Variants in PDGFD observed in about 807,000 individuals in gnomAD.
PDGFD encodes platelet-derived growth factor D.
In PDGFD, 30 loss-of-function variants were observed where a neutral mutation model predicts 44.7. The observed-to-expected ratio is 0.67, with a 90% CI of 0.50 to 0.91. The LOEUF (loss-of-function observed/expected upper bound fraction) is 0.91, where lower values mean the gene tolerates loss of function less well. Among genes scored for constraint, PDGFD ranks in the 40% least tolerant of loss-of-function variants. PDGFD has a pLI of 0.00. For missense variants in PDGFD, 445 were observed against 457.8 expected, an observed-to-expected ratio of 0.97 and a Z score of 0.25; for synonymous variants, 173 against 168.4, an observed-to-expected ratio of 1.03 and a Z score of -0.21.
At chr11:104,059,565 T>A (rs1343350735) in intron 1 of PDGFD, among the ~76,000 whole-genome samples, 1 of 152,218 alleles carries the variant, frequency 6.6e-6, no homozygotes, top group African/African-American at 2.4e-5. Context: ...CCAACTCTAA[T>A]TAATTTATTG....
chr11:103,941,669 G>C (rs542301515), intron 5 of PDGFD, among the ~76,000 whole-genome samples: 1 of 152,048 alleles, frequency 6.6e-6, no homozygotes, highest in South Asian at 2.1e-4. Context: ...GTTAGAATTT[G>C]AATCCAGGCC....
intron 3 of PDGFD, among the ~76,000 whole-genome samples, chr11:103,962,942 C>T (rs1299160217): frequency 6.6e-6 from 1 of 152,078 alleles, no homozygotes; most frequent in Non-Finnish European, 1.5e-5. Context: ...ATGGAAATCA[C>T]CTGTTACAAA....
chr11:104,162,441 T>C (rs889863589), intron 1 of PDGFD, among the ~76,000 whole-genome samples: 3 of 152,244 alleles, frequency 2.0e-5, no homozygotes, highest in African/African-American at 7.2e-5. Flanking sequence ...GTGTTGGGCC[T>C]AATCCTTAAG....
chr11:104,135,475 T>C (rs1302966376), intron 1 of PDGFD, among the ~76,000 whole-genome samples: 1 of 152,180 alleles, frequency 6.6e-6, no homozygotes, highest in African/African-American at 2.4e-5. Context: ...TTCCATAAAT[T>C]CTATGTGACT....
rs369713241 is a variant in PDGFD at position 104,016,775 on chromosome 11, G to A, written c.125-16520C>T. Among the ~76,000 whole-genome samples the A allele has an allele frequency of 3.7e-4, 57 of 152,302 alleles. No individual in the cohort carries two copies. The South Asian group carries it at 3.9e-3, about 11-fold the overall frequency. On this transcript the variant is annotated intron_variant, in intron 1 of 6. Coordinates refer to ENST00000393158, the MANE Select transcript of PDGFD (RefSeq NM_025208.5). ...TCGAATGAAAACATTAATACTACAC[G>A]GTTGTTGCTCTGAACAAGGTGGTTA...
intron 1 of PDGFD, chr11:104,037,536 T>G: frequency 6.2e-7 from 1 of 1,613,750 alleles, no homozygotes. Flanking sequence ...CCGAGAGTTT[T>G]GGACAAGTGA....
intron 1 of PDGFD, among the ~76,000 whole-genome samples, chr11:104,061,159 G>A (rs1430163362): frequency 6.6e-6 from 1 of 151,818 alleles, no homozygotes; most frequent in African/African-American, 2.4e-5. Flanking sequence ...CTAAATAATG[G>A]GTCAAAATAT....
chr11:104,071,389 GTA>G (rs575371075), intron 1 of PDGFD, among the ~76,000 whole-genome samples: 3,286 of 149,784 alleles, frequency 0.022, 60 homozygotes, highest in Middle Eastern at 0.087. Flanking sequence ...GTGCATGTGT[GTA>G]TATATATATA....
At chr11:104,063,771 C>T (rs1331084368) in intron 1 of PDGFD, among the ~76,000 whole-genome samples, 1 of 152,160 alleles carries the variant, frequency 6.6e-6, no homozygotes, top group African/African-American at 2.4e-5. Flanking sequence ...AACTCACTCA[C>T]TATCATGAGA....
chr11:103,910,206 T>G (rs779903450), intron 6 of PDGFD, among the ~76,000 whole-genome samples: 2 of 152,228 alleles, frequency 1.3e-5, no homozygotes, highest in Non-Finnish European at 2.9e-5. Flanking sequence ...CTTGAGCATA[T>G]TATTAGCATG....
At chr11:104,119,182 A>AAT (rs1455137740) in intron 1 of PDGFD, among the ~76,000 whole-genome samples, 7 of 6,624 alleles carry the variant, frequency 1.1e-3, no homozygotes, top group African/African-American at 3.2e-3. Context: ...ATATTAATAT[A>AAT]ATATATTGAT....
intron 1 of PDGFD, among the ~76,000 whole-genome samples, chr11:104,161,205 C>A (rs574306794): frequency 7.2e-5 from 11 of 152,260 alleles, no homozygotes; most frequent in African/African-American, 2.6e-4. Context: ...ATCTGAGAGC[C>A]AGGTCTTCTA....
At chr11:103,962,027 T>G (rs887789762) in intron 3 of PDGFD, among the ~76,000 whole-genome samples, 2 of 152,082 alleles carry the variant, frequency 1.3e-5, no homozygotes, top group African/African-American at 4.8e-5. Context: ...TGAACTTAAG[T>G]AACATAATGG....
intron 1 of PDGFD, among the ~76,000 whole-genome samples, chr11:104,059,680 C>G (rs1258671895): frequency 6.6e-6 from 1 of 152,164 alleles, no homozygotes; most frequent in African/African-American, 2.4e-5. Context: ...AACAACTAAT[C>G]CTTCAAAACT....
intron 1 of PDGFD, among the ~76,000 whole-genome samples, chr11:104,066,199 G>A (rs1443229779): frequency 6.6e-6 from 1 of 152,116 alleles, no homozygotes; most frequent in Non-Finnish European, 1.5e-5. Flanking sequence ...TTTGATATAT[G>A]CTGACTGGAA....
intron 1 of PDGFD, among the ~76,000 whole-genome samples, chr11:104,140,424 G>A (rs1029787698): frequency 1.3e-5 from 2 of 150,390 alleles, no homozygotes; most frequent in Admixed American, 6.6e-5. Context: ...TGAAAAACCC[G>A]TAAATCCAAC....
rs985414878 is a variant in PDGFD at position 103,974,763 on chromosome 11, G to C, written c.510+21302C>G. ...ATGCGGTGTTTGGTTTTCTGTTCTTGTGTTAGTTTGCTGAGAATGATGGTT... is the reference window on the plus strand; with the variant it reads ...ATGCGGTGTTTGGTTTTCTGTTCTTCTGTTAGTTTGCTGAGAATGATGGTT... On this transcript the variant is annotated intron_variant, in intron 3 of 6. Coordinates refer to ENST00000393158, the MANE Select transcript of PDGFD (RefSeq NM_025208.5). Among the ~76,000 whole-genome samples, 5 of 152,120 alleles carry C rather than the reference G, an allele frequency of 3.3e-5. No homozygotes were observed. In the South Asian group the frequency reaches 1.0e-3, roughly 32 times the overall value.
At chr11:104,065,507 A>G (rs1005321370) in intron 1 of PDGFD, among the ~76,000 whole-genome samples, 14 of 152,174 alleles carry the variant, frequency 9.2e-5, no homozygotes, top group African/African-American at 3.1e-4. Flanking sequence ...TAAAGAATTG[A>G]CCTAACAGTT....
chr11:104,033,270 A>G (rs914616035), intron 1 of PDGFD, among the ~76,000 whole-genome samples: 2 of 152,086 alleles, frequency 1.3e-5, no homozygotes, highest in African/African-American at 4.8e-5. Context: ...GTTTACCTTT[A>G]CAGATTCCAG....
Sources: gnomAD v4.1 joint callset for allele counts (sites outside exome capture counted in the v4.1 genomes callset) on GRCh38, gnomAD v4.1.1 for gene constraint, MANE v1.5 for transcripts, NCBI Gene and HGNC (gene_info 2026-07-23, HGNC 2026-07-21) for gene names.